The following APBB1IP variants were observed in gnomAD, a reference collection of about 807,000 sequenced individuals.
APBB1IP encodes the protein amyloid beta A4 precursor protein-binding family B member 1-interacting protein.
APBB1IP carries 27 observed loss-of-function variants against 64.9 expected under a neutral mutation model. The observed-to-expected ratio is 0.42, with a 90% confidence interval of 0.31 to 0.57. The LOEUF (loss-of-function observed/expected upper bound fraction) is 0.57, where lower values mean the gene tolerates loss of function less well. Ranked by LOEUF, APBB1IP falls within the 20% of genes least tolerant of loss-of-function variation. The probability of loss-of-function intolerance (pLI) is 0.20; values close to 1 mark genes in which losing one functional copy is unlikely to be tolerated. For synonymous variants in APBB1IP, 392 were observed against 331.0 expected (o/e 1.18, Z -2.00); for missense variants, 812 against 845.5 (o/e 0.96, Z 0.49).
At chr10:26,556,285 A>G (rs1001233030) in intron 11 of APBB1IP, among the ~76,000 whole-genome samples, 4 of 152,234 alleles carry the variant, frequency 2.6e-5, no homozygotes, top group African/African-American at 9.6e-5. Flanking sequence ...GTCTCAAGAC[A>G]CGGTGGAGAA....
At chr10:26,547,396 G>T (rs138172502) in intron 11 of APBB1IP, among the ~76,000 whole-genome samples, 2 of 151,732 alleles carry the variant, frequency 1.3e-5, no homozygotes, top group South Asian at 4.2e-4. Flanking sequence ...CAGATTCACC[G>T]TTTTGGGTCT....
chr10:26,544,742 T>C (rs1473085296), intron 11 of APBB1IP, among the ~76,000 whole-genome samples: 2 of 152,176 alleles, frequency 1.3e-5, no homozygotes, highest in Admixed American at 1.3e-4. Flanking sequence ...CACATAAGTT[T>C]GGGACTAGGA....
At chr10:26,450,636 A>G (rs3006785) in intron 2 of APBB1IP, among the ~76,000 whole-genome samples, 43,427 of 151,454 alleles carry the variant, frequency 0.29, 6,453 homozygotes, top group East Asian at 0.51. Context: ...TGGCTGTGGA[A>G]AACTAGTAAA....
intron 2 of APBB1IP, among the ~76,000 whole-genome samples, chr10:26,473,637 C>A (rs1588575413): frequency 6.6e-6 from 1 of 152,312 alleles, no homozygotes; most frequent in Middle Eastern, 3.4e-3. Flanking sequence ...AGGTGACCCC[C>A]GTTGGTGGTA....
At chr10:26,492,244 T>C (rs1338885592) in intron 2 of APBB1IP, 83 bp from the exon 3 acceptor site, 16 of 1,280,542 alleles carry the variant, frequency 1.2e-5, no homozygotes, top group Non-Finnish European at 1.7e-5. Context: ...ATGGGGCTCT[T>C]GGGGGAAAGA....
rs553392359 is a variant in APBB1IP, at chr10:26,533,708, G to A, written c.900+183G>A. Among the ~76,000 whole-genome samples the A allele has an allele frequency of 5.5e-4, 83 of 152,006 alleles. 1 individual carries two copies. The highest frequency in any genetic ancestry group is 2.0e-3 in the African/African-American group (82 of 41,482). ...TAATTCAACTGTTTTTCTTTTTTGAGTCATTTGTTACAACATGTGGCTTTA... is the reference window on the plus strand; with the variant it reads ...TAATTCAACTGTTTTTCTTTTTTGAATCATTTGTTACAACATGTGGCTTTA... On this transcript the variant is annotated intron_variant, in intron 9 of 14. Transcript: ENST00000376236.
At position 26,524,958 on chromosome 10, in the gene APBB1IP, T is replaced by TC. The variant is rs1183632658; in HGVS notation, c.814-8481_814-8480insC. ...TTTTCTTTCTCTTTCTTTCTTTCTTTTTTTTTTTTTTTTTTTATAAAAAAA... is the reference window on the plus strand; with the variant it reads ...TTTTCTTTCTCTTTCTTTCTTTCTTTCTTTTTTTTTTTTTTTTATAAAAAAA... On this transcript the variant is annotated intron_variant, in intron 8 of 14. Transcript: ENST00000376236. Among the ~76,000 whole-genome samples, 187 of 131,892 alleles carry TC rather than the reference T, an allele frequency of 1.4e-3. 3 individuals carry two copies. Among genetic ancestry groups the TC allele is most frequent in the Admixed American group, 2.2e-3 (27 of 12,274 alleles). The allele number at this position is 131,892 out of a possible 152,430, so 86.5% of individuals were successfully genotyped here.
chr10:26,449,854 T>C (rs1346209824), intron 2 of APBB1IP, among the ~76,000 whole-genome samples: 2 of 151,810 alleles, frequency 1.3e-5, no homozygotes, highest in Admixed American at 1.3e-4. Context: ...TACAAAAAAA[T>C]GAAAAAGCCA....
chr10:26,470,198 A>G (rs887736630), intron 2 of APBB1IP, among the ~76,000 whole-genome samples: 1 of 152,230 alleles, frequency 6.6e-6, no homozygotes, highest in Non-Finnish European at 1.5e-5. Flanking sequence ...TACACTTTCA[A>G]TAAAGTATCC....
intron 2 of APBB1IP, among the ~76,000 whole-genome samples, chr10:26,447,489 G>T (rs1402762072): frequency 6.6e-6 from 1 of 151,814 alleles, no homozygotes; most frequent in Non-Finnish European, 1.5e-5. Context: ...AGCATAAAAT[G>T]CAGTGGGAAA....
intron 8 of APBB1IP, among the ~76,000 whole-genome samples, chr10:26,524,933 T>TTTTC: frequency 6.7e-6 from 1 of 148,210 alleles, no homozygotes; most frequent in African/African-American, 2.5e-5. Context: ...ATTTCTTTCT[T>TTTTC]TTTCTTTCTC....
intron 12 of APBB1IP, 73 bp from the exon 13 acceptor site, chr10:26,560,657 T>A: frequency 9.8e-7 from 1 of 1,021,548 alleles, no homozygotes; most frequent in Non-Finnish European, 1.4e-6. Context: ...CTTCTGTATA[T>A]GTATATTGCA....
chr10:26,442,229 A>G (rs1430748863), intron 2 of APBB1IP, among the ~76,000 whole-genome samples: 2 of 152,250 alleles, frequency 1.3e-5, no homozygotes, highest in Non-Finnish European at 2.9e-5. Context: ...CAAAGAACTT[A>G]TCGTGTTATC....
intron 8 of APBB1IP, among the ~76,000 whole-genome samples, chr10:26,532,663 T>C (rs1207258260): frequency 6.6e-6 from 1 of 151,916 alleles, no homozygotes; most frequent in African/African-American, 2.4e-5. Context: ...TTTTCATTAT[T>C]ATTTTTAGTA....
chr10:26,509,205 G>A (rs940153274), intron 6 of APBB1IP, among the ~76,000 whole-genome samples: 3 of 152,128 alleles, frequency 2.0e-5, no homozygotes, highest in African/African-American at 7.2e-5. Flanking sequence ...ACCATTTATA[G>A]TTGGGCCTAC....
At chr10:26,449,089 G>A (rs1050149430) in intron 2 of APBB1IP, among the ~76,000 whole-genome samples, 1 of 152,140 alleles carries the variant, frequency 6.6e-6, no homozygotes, top group African/African-American at 2.4e-5. Flanking sequence ...AAGACTCAAG[G>A]AGATTCCAGT....
chr10:26,535,962 T>C (rs1836617347), intron 9 of APBB1IP, 112 bp from the exon 10 acceptor site: 2 of 1,112,950 alleles, frequency 1.8e-6, no homozygotes, highest in Non-Finnish European at 2.6e-6. Context: ...ATCAGAGTTG[T>C]ACACAAAATT....
At chr10:26,468,565 A>C (rs1835674632) in intron 2 of APBB1IP, among the ~76,000 whole-genome samples, 1 of 152,234 alleles carries the variant, frequency 6.6e-6, no homozygotes, top group South Asian at 2.1e-4. Context: ...CTGTTTCTCT[A>C]GGTCACACCA....
chr10:26,480,081 G>A (rs1000574881), intron 2 of APBB1IP, among the ~76,000 whole-genome samples: 6 of 152,194 alleles, frequency 3.9e-5, no homozygotes, highest in Non-Finnish European at 8.8e-5. Context: ...GGTGACATAA[G>A]GTAGCCAGGA....
Sources: allele counts gnomAD v4.1 joint callset (sites outside exome capture counted in the v4.1 genomes callset), GRCh38; gene constraint gnomAD v4.1.1; transcripts MANE v1.5; gene names NCBI Gene and HGNC (gene_info 2026-07-23, HGNC 2026-07-21).